TNFSF11: variants seen among roughly 807,000 people sequenced by gnomAD.
The protein encoded by TNFSF11 is TNF superfamily member 11.
In TNFSF11, 12 loss-of-function variants were observed where a neutral mutation model predicts 32.2. The ratio of observed to expected loss-of-function variants is 0.37; its 90% CI spans 0.24 to 0.60. The LOEUF is 0.60. TNFSF11 is among the 20% of genes least tolerant of loss of function. The pLI, the probability that TNFSF11 is intolerant of heterozygous loss-of-function variation, is 0.66. For missense variants in TNFSF11, 345 were observed against 398.0 expected, an observed-to-expected ratio of 0.87 and a Z score of 1.13; for synonymous variants, 172 against 152.1, an observed-to-expected ratio of 1.13 and a Z score of -0.96.
chr13:42,570,694 G>A (rs1481321091), upstream of TNFSF11, among the ~76,000 whole-genome samples: 1 of 152,098 alleles, frequency 6.6e-6, no homozygotes, highest in Non-Finnish European at 1.5e-5. Flanking sequence ...AGGAAGACAT[G>A]TTAAACAAAT....
chr13:42,584,491 C>G lies in TNFSF11; in HGVS notation c.387+3198C>G, dbSNP rs149074191. The stretch of plus-strand genomic sequence containing the variant: ...ACTTTTCTGCCACCTCCTGCCTCAT[C>G]AGAACATTATCCCACTTCGTTTGCG... On this transcript the variant is annotated intron_variant, in intron 2 of 4. Coordinates refer to ENST00000398795, the MANE Select transcript of TNFSF11 (RefSeq NM_003701.4). 1.4e-4 allele frequency among the ~76,000 whole-genome samples: 21 copies of G among 152,290 alleles called. No individual in the cohort carries two copies. The East Asian group carries it at 4.1e-3, about 29-fold the overall frequency.
chr13:42,600,621 T>G, intron 2 of TNFSF11, 131 bp from the exon 3 acceptor site: 1 of 989,330 alleles, frequency 1.0e-6, no homozygotes. Context: ...GGAATTTCAC[T>G]GCCAATGTTA....
chr13:42,569,895 A>C (rs1256880707), upstream of TNFSF11, among the ~76,000 whole-genome samples: 1 of 152,170 alleles, frequency 6.6e-6, no homozygotes, highest in African/African-American at 2.4e-5. Flanking sequence ...AAAAATGTAA[A>C]ACAGTGGCAC....
chr13:42,582,615 A>G (rs1486719317), intron 2 of TNFSF11, among the ~76,000 whole-genome samples: 2 of 152,226 alleles, frequency 1.3e-5, no homozygotes, highest in East Asian at 1.9e-4. Context: ...TAATGTGTCT[A>G]TAAGAAAACA....
At chr13:42,603,227 A>G (rs1390403064) in intron 4 of TNFSF11, among the ~76,000 whole-genome samples, 1 of 152,202 alleles carries the variant, frequency 6.6e-6, no homozygotes, top group Admixed American at 6.5e-5. Context: ...AATATCTTAG[A>G]TGAAATGCGT....
At chr13:42,574,021 A>G (rs2137851354), upstream of TNFSF11, 2 of 509,344 alleles carry the variant, frequency 3.9e-6, no homozygotes, top group South Asian at 4.4e-5. Flanking sequence ...AGATTGAGAG[A>G]GAGGGAGGGC....
chr13:42,582,306 G>C (rs974126241), intron 2 of TNFSF11, among the ~76,000 whole-genome samples: 6 of 152,212 alleles, frequency 3.9e-5, no homozygotes, highest in African/African-American at 1.2e-4. Context: ...AAAGGTGAAC[G>C]TCTGTAATAC....
At chr13:42,603,773 G>A (rs1869302816) in intron 4 of TNFSF11, among the ~76,000 whole-genome samples, 1 of 152,102 alleles carries the variant, frequency 6.6e-6, no homozygotes, top group African/African-American at 2.4e-5. Flanking sequence ...TATTTTATAT[G>A]CTCATTTTCT....
intron 2 of TNFSF11, among the ~76,000 whole-genome samples, chr13:42,590,314 A>G (rs768862463): frequency 2.6e-5 from 4 of 152,224 alleles, no homozygotes; most frequent in Non-Finnish European, 4.4e-5. Flanking sequence ...AAGGGGCTGG[A>G]GGTCACTCGC....
chr13:42,599,348 T>TCATC (rs1203447807), intron 2 of TNFSF11, among the ~76,000 whole-genome samples: 2 of 76,846 alleles, frequency 2.6e-5, no homozygotes, highest in Non-Finnish European at 5.4e-5. Context: ...TATCTATCTA[T>TCATC]CATCTATCTA....
chr13:42,581,612 T>G (rs1873620165), intron 2 of TNFSF11, among the ~76,000 whole-genome samples: 2 of 152,212 alleles, frequency 1.3e-5, no homozygotes. Flanking sequence ...GTATGCTAGT[T>G]TGAATTCCCT....
At chr13:42,592,751 C>G (rs1868565634) in intron 2 of TNFSF11, among the ~76,000 whole-genome samples, 1 of 152,076 alleles carries the variant, frequency 6.6e-6, no homozygotes, top group South Asian at 2.1e-4. Flanking sequence ...AGGGTGGGAC[C>G]AGGTAGAGGT....
intron 2 of TNFSF11, among the ~76,000 whole-genome samples, chr13:42,585,597 G>C (rs1216468506): frequency 6.6e-6 from 1 of 152,156 alleles, no homozygotes; most frequent in Admixed American, 6.5e-5. Context: ...TACAAATATG[G>C]TGTCTGATTT....
At chr13:42,587,561 C>T (rs575171877) in intron 2 of TNFSF11, among the ~76,000 whole-genome samples, 1 of 152,258 alleles carries the variant, frequency 6.6e-6, no homozygotes, top group South Asian at 2.1e-4. Flanking sequence ...ATTTAGATTG[C>T]AAGAGAGTGA....
At chr13:42,568,652 C>T (rs990255554) in intron 2 of TNFSF11, among the ~76,000 whole-genome samples, 1 of 152,014 alleles carries the variant, frequency 6.6e-6, no homozygotes. Context: ...AGCATATGAG[C>T]CTGGACCGGA....
At chr13:42,583,787 G>A (rs561845993) in intron 2 of TNFSF11, among the ~76,000 whole-genome samples, 179 of 152,052 alleles carry the variant, frequency 1.2e-3, no homozygotes, top group African/African-American at 4.1e-3. Flanking sequence ...CTGTCCCTAC[G>A]TTATTTAGCG....
In TNFSF11 at chr13:42,581,181, G is replaced by A. The variant is rs994097453; in HGVS notation, c.275G>A (p.Arg92Lys). Residue 92 changes from arginine (R) to lysine (K), a missense_variant, in exon 2 of 5, where the codon AGA becomes AAA. Around this residue, in one of 2 missense-constraint regions of TNFSF11, gnomAD observed 197 missense variants for 182.0 expected, o/e 1.08. Transcript: ENST00000398795. ...ACTCACTGCATTTATAGAATTTTGAGACTCCATGAAAATGCAGATTTTCAA... is the reference window on the plus strand; with the variant it reads ...ACTCACTGCATTTATAGAATTTTGAAACTCCATGAAAATGCAGATTTTCAA... The part of the protein sequence containing the change: ...DGTHCIYRIL[R>K]LHENADFQDT... The A allele has an allele frequency of 6.2e-7, 1 of 1,614,066 alleles. No individual in the cohort carries two copies. The highest frequency in any genetic ancestry group is 8.5e-7 in the Non-Finnish European group (1 of 1,179,974).
intron 2 of TNFSF11, among the ~76,000 whole-genome samples, chr13:42,596,546 C>A (rs1040715517): frequency 2.0e-5 from 3 of 152,094 alleles, no homozygotes; most frequent in African/African-American, 7.2e-5. Context: ...AAGTTCAAGT[C>A]TCAGCTTTAT....
chr13:42,568,089 G>A (rs140525275), intron 2 of TNFSF11, among the ~76,000 whole-genome samples: 44 of 152,352 alleles, frequency 2.9e-4, no homozygotes, highest in Non-Finnish European at 5.4e-4. Context: ...ACATTTGAGT[G>A]ACTTCCTGTC....
Sources: gnomAD v4.1 joint callset for allele counts (sites outside exome capture counted in the v4.1 genomes callset) on GRCh38, gnomAD v4.1.1 for gene constraint, gnomAD v4.1.1 regional missense constraint, MANE v1.5 for transcripts, NCBI Gene and HGNC (gene_info 2026-07-23, HGNC 2026-07-21) for gene names.